HERC3: variants seen among roughly 807,000 people sequenced by gnomAD.
HERC3 encodes the protein probable E3 ubiquitin-protein ligase HERC3.
Under a neutral mutation model 129.9 loss-of-function variants are expected in HERC3, and 58 were observed. The ratio of observed to expected loss-of-function variants is 0.45; its 90% CI spans 0.36 to 0.56. HERC3 has a LOEUF of 0.56. Among genes scored for constraint, HERC3 ranks in the 20% least tolerant of loss-of-function variants. HERC3 has a pLI of 0.00. For missense variants in HERC3, 835 were observed against 1,244.2 expected (o/e 0.67, Z 4.95); for synonymous variants, 430 against 451.0 (o/e 0.95, Z 0.59).
At chr4:88,585,275 C>T in the HERC3 span, among the ~76,000 whole-genome samples, 1 of 152,184 alleles carries the variant, frequency 6.6e-6, no homozygotes, top group Non-Finnish European at 1.5e-5. Context: ...AGTGGGGACA[C>T]AAATATTCAA....
chr4:88,663,368 G>A (rs1210100713), intron 11 of HERC3, among the ~76,000 whole-genome samples: 1 of 152,176 alleles, frequency 6.6e-6, no homozygotes, highest in East Asian at 1.9e-4. Flanking sequence ...AAGGAGCTCA[G>A]GCTGAAGGGT....
At chr4:88,637,128 C>A (rs1045763541) in intron 3 of HERC3, among the ~76,000 whole-genome samples, 5 of 151,226 alleles carry the variant, frequency 3.3e-5, no homozygotes, top group African/African-American at 1.2e-4. Flanking sequence ...GATGCCATCT[C>A]AAAAACAAAC....
the HERC3 span, among the ~76,000 whole-genome samples, chr4:88,545,352 A>G: frequency 6.6e-6 from 1 of 151,896 alleles, no homozygotes; most frequent in Non-Finnish European, 1.5e-5. Flanking sequence ...GGGAGCTATC[A>G]TACACTCCTC....
chr4:88,659,639 T>G (rs1730286245), intron 10 of HERC3, among the ~76,000 whole-genome samples: 2 of 152,172 alleles, frequency 1.3e-5, no homozygotes. Context: ...AAGCTGAGGT[T>G]TTTCTTTGTT....
intron 8 of HERC3, 117 bp downstream of exon 8, chr4:88,655,421 C>A: frequency 1.7e-6 from 2 of 1,158,098 alleles, no homozygotes; most frequent in Non-Finnish European, 2.5e-6. Flanking sequence ...ATCTTAACTG[C>A]ATGCACGCCT....
At chr4:88,530,679 G>A in the HERC3 span, among the ~76,000 whole-genome samples, 1 of 152,170 alleles carries the variant, frequency 6.6e-6, no homozygotes, top group Non-Finnish European at 1.5e-5. Context: ...GCTCAGGTAA[G>A]AGTGAATAAT....
At chr4:88,688,634 T>C (rs1313554283) in intron 23 of HERC3, among the ~76,000 whole-genome samples, 1 of 152,216 alleles carries the variant, frequency 6.6e-6, no homozygotes, top group Non-Finnish European at 1.5e-5. Context: ...ATTTTGAATA[T>C]ATTGATTTTG....
At chr4:88,647,808 C>CT (rs201939681) in intron 3 of HERC3, among the ~76,000 whole-genome samples, 19,874 of 135,258 alleles carry the variant, frequency 0.15, 1,536 homozygotes, top group East Asian at 0.2. Flanking sequence ...AACTCTTTAG[C>CT]TTTTTTTTTT....
chr4:88,610,684 C>T (rs546020332), intron 3 of HERC3, among the ~76,000 whole-genome samples: 248 of 152,290 alleles, frequency 1.6e-3, no homozygotes, highest in Non-Finnish European at 2.8e-3. Context: ...TGCCTCAGTG[C>T]ACACCTTGGT....
intron 3 of HERC3, among the ~76,000 whole-genome samples, chr4:88,619,723 A>C (rs1278277446): frequency 6.6e-6 from 1 of 152,220 alleles, no homozygotes; most frequent in Non-Finnish European, 1.5e-5. Flanking sequence ...CAAAGATTTC[A>C]TATTTCTAAT....
intron 16 of HERC3, 82 bp from the exon 17 acceptor site, chr4:88,676,136 G>A (rs982392494): frequency 1.9e-6 from 2 of 1,030,936 alleles, no homozygotes; most frequent in South Asian, 2.8e-5. Flanking sequence ...TCTGTGTTTT[G>A]TTATTTATAT....
rs749600625 is a variant in HERC3, at chr4:88,681,283, C to T, written c.2465C>T (p.Pro822Leu). The change falls in exon 21 of 26, where the codon CCT (proline) becomes CTT (leucine). Residue 822 changes from proline (P) to leucine (L), a missense_variant. By Grantham distance (98) the Pro-to-Leu change is moderately conservative. Transcript: ENST00000402738. ...TACAAGAAGTTACTCAATGTAAAGC[C>T]TGGCTTGGAAGACTTAAAGGAGTTG... ...ALYKKLLNVK[P>L]GLEDLKELSP... The T allele has an allele frequency of 6.2e-7, 1 of 1,613,930 alleles. No individual in the cohort carries two copies. The highest frequency in any genetic ancestry group is 2.2e-5 in the East Asian group (1 of 44,876).
chr4:88,650,149 A>G (rs773621184), intron 4 of HERC3, 150 bp downstream of exon 4: 35 of 728,154 alleles, frequency 4.8e-5, no homozygotes, highest in Non-Finnish European at 6.5e-5. Context: ...CTTGTCACAA[A>G]AGTTGCAATT....
rs1483347061 is a variant in HERC3 at position 88,707,331 on chromosome 4, T to A, written c.*371T>A. 4.4e-6 allele frequency: 1 copy of A among 227,100 alleles called. No individual in the cohort carries two copies. The highest frequency in any genetic ancestry group is 8.8e-6 in the Non-Finnish European group (1 of 113,654). The allele number at this position is 227,100 out of a possible 1,614,324, so 14.1% of individuals were successfully genotyped here. ...AGCCCTGATGTTTTCTCACAGTGCTTCCTTGTCCTTCTCTTAACTTCTCAT... is the reference window on the plus strand; with the variant it reads ...AGCCCTGATGTTTTCTCACAGTGCTACCTTGTCCTTCTCTTAACTTCTCAT... On this transcript the variant is annotated 3_prime_UTR_variant, in exon 26 of 26. Coordinates refer to ENST00000402738, the MANE Select transcript of HERC3 (RefSeq NM_014606.3).
At chr4:88,560,360 A>G in the HERC3 span, among the ~76,000 whole-genome samples, 2 of 152,210 alleles carry the variant, frequency 1.3e-5, no homozygotes, top group Admixed American at 1.3e-4. Flanking sequence ...GCACCTTTCA[A>G]TATACCTGCT....
chr4:88,703,650 T>C (rs1735514123), intron 23 of HERC3, among the ~76,000 whole-genome samples: 1 of 152,184 alleles, frequency 6.6e-6, no homozygotes, highest in Non-Finnish European at 1.5e-5. Flanking sequence ...AATGAACCTT[T>C]TAAAACAGGT....
At chr4:88,644,455 A>G (rs984190675) in intron 3 of HERC3, among the ~76,000 whole-genome samples, 5 of 152,212 alleles carry the variant, frequency 3.3e-5, no homozygotes, top group Non-Finnish European at 4.4e-5. Context: ...GATACATGCA[A>G]CCACTTAATT....
chr4:88,678,713 T>C (rs1163794329), intron 19 of HERC3, among the ~76,000 whole-genome samples: 1 of 152,230 alleles, frequency 6.6e-6, no homozygotes, highest in East Asian at 1.9e-4. Flanking sequence ...GTCATTCATC[T>C]TTTCCCTCAG....
chr4:88,601,492 A>G (rs1388448976), intron 2 of HERC3, among the ~76,000 whole-genome samples: 3 of 152,354 alleles, frequency 2.0e-5, no homozygotes, highest in African/African-American at 4.8e-5. Flanking sequence ...TGTCTCCTTC[A>G]TATGTTGACA....
Sources: gnomAD v4.1 joint callset for allele counts (sites outside exome capture counted in the v4.1 genomes callset) on GRCh38, gnomAD v4.1.1 for gene constraint, MANE v1.5 for transcripts, NCBI Gene and HGNC (gene_info 2026-07-23, HGNC 2026-07-21) for gene names.